PLAC9: variants seen among roughly 807,000 people sequenced by gnomAD.
PLAC9 encodes the protein placenta associated 9, also known as placenta-specific protein 9.
Under a neutral mutation model 11.5 loss-of-function variants are expected in PLAC9, and 12 were observed. The observed-to-expected ratio is 1.05, with a 90% CI of 0.67 to 1.69. The LOEUF (loss-of-function observed/expected upper bound fraction) is 1.69. PLAC9 is among the 40% of genes most tolerant of loss of function. The pLI is 0.00. For synonymous variants in PLAC9, 62 were observed against 58.1 expected, an observed-to-expected ratio of 1.07 and a Z score of -0.31; for missense variants, 132 against 130.5, an observed-to-expected ratio of 1.01 and a Z score of -0.06.
upstream of PLAC9, among the ~76,000 whole-genome samples, chr10:80,132,041 T>C (rs954692790): frequency 2.6e-5 from 4 of 152,274 alleles, no homozygotes; most frequent in African/African-American, 9.6e-5. Context: ...TTTCCACTAC[T>C]GTGCTCTAAA....
intron 1 of PLAC9, among the ~76,000 whole-genome samples, chr10:80,139,979 C>A (rs2132336213): frequency 6.6e-6 from 1 of 152,292 alleles, no homozygotes; most frequent in East Asian, 1.9e-4. Flanking sequence ...TACGTGATCT[C>A]CATCTTACTG....
chr10:80,132,984 G>A (rs1228158277), intron 1 of PLAC9, among the ~76,000 whole-genome samples, 158 bp downstream of exon 1: 2 of 152,184 alleles, frequency 1.3e-5, no homozygotes, highest in Non-Finnish European at 2.9e-5. Context: ...GAAAGATTGA[G>A]AGGAAACAGA....
intron 1 of PLAC9, 73 bp downstream of exon 1, chr10:80,132,899 G>C: frequency 8.0e-7 from 1 of 1,244,556 alleles, no homozygotes; most frequent in Non-Finnish European, 1.1e-6. Flanking sequence ...AGGAATGAGC[G>C]AGAGAGACGG....
At chr10:80,135,585 T>C (rs1844966685) in intron 1 of PLAC9, among the ~76,000 whole-genome samples, 1 of 147,748 alleles carries the variant, frequency 6.8e-6, no homozygotes, top group Non-Finnish European at 1.5e-5. Flanking sequence ...GTGATCAGCC[T>C]GCCCCGGCCT....
chr10:80,140,479 C>T (rs1403019241), intron 1 of PLAC9, among the ~76,000 whole-genome samples: 3 of 152,206 alleles, frequency 2.0e-5, no homozygotes, highest in East Asian at 1.9e-4. Context: ...GCCCTGCTGA[C>T]GCTTTTCATC....
At chr10:80,141,613 A>AACAC (rs1432819354) in intron 1 of PLAC9, among the ~76,000 whole-genome samples, 1 of 151,974 alleles carries the variant, frequency 6.6e-6, no homozygotes, top group East Asian at 1.9e-4. Flanking sequence ...CAAACAAACA[A>AACAC]ACACACAAAA....
At chr10:80,134,767 T>A (rs1844954544) in intron 1 of PLAC9, among the ~76,000 whole-genome samples, 1 of 152,190 alleles carries the variant, frequency 6.6e-6, no homozygotes, top group South Asian at 2.1e-4. Context: ...CCAAATAAGG[T>A]TACATACACT....
At chr10:80,144,720 G>A (rs540667968) in intron 3 of PLAC9, among the ~76,000 whole-genome samples, 180 bp from the exon 4 acceptor site, 80 of 152,272 alleles carry the variant, frequency 5.3e-4, no homozygotes, top group African/African-American at 1.9e-3. Context: ...CAGGGAAGAC[G>A]GGCGTCCCCA....
At chr10:80,134,808 T>C (rs1156322709) in intron 1 of PLAC9, among the ~76,000 whole-genome samples, 1 of 150,958 alleles carries the variant, frequency 6.6e-6, no homozygotes, top group Non-Finnish European at 1.5e-5. Flanking sequence ...TTAGATCTCT[T>C]TAAATATGTA....
intron 1 of PLAC9, among the ~76,000 whole-genome samples, chr10:80,136,865 A>T (rs1364280993): frequency 6.6e-6 from 1 of 152,082 alleles, no homozygotes; most frequent in Non-Finnish European, 1.5e-5. Context: ...CAGAAGAATT[A>T]AGGATGCGCT....
intron 1 of PLAC9, among the ~76,000 whole-genome samples, chr10:80,135,013 T>TA (rs201968653): frequency 2.8e-5 from 4 of 140,368 alleles, no homozygotes; most frequent in African/African-American, 1.0e-4. Context: ...TTTGTTTGTT[T>TA]GTTTATTTAT....
chr10:80,141,660 C>T (rs1845041243), intron 1 of PLAC9, among the ~76,000 whole-genome samples: 1 of 152,010 alleles, frequency 6.6e-6, no homozygotes, highest in Non-Finnish European at 1.5e-5. Flanking sequence ...ATTAAAGCCC[C>T]TGGGTTAAAG....
chr10:80,141,976 T>C, intron 1 of PLAC9, 106 bp from the exon 2 acceptor site: 1 of 778,494 alleles, frequency 1.3e-6, no homozygotes, highest in Non-Finnish European at 1.9e-6. Context: ...CGCTTGCTCC[T>C]GAGTTTGCTT....
At chr10:80,143,753 A>AT (rs1310149908) in intron 2 of PLAC9, among the ~76,000 whole-genome samples, 3 of 152,014 alleles carry the variant, frequency 2.0e-5, no homozygotes, top group Non-Finnish European at 4.4e-5. Flanking sequence ...TATATGTTTT[A>AT]TTTTTTGCAT....
At chr10:80,133,119 A>T (rs1365507417) in intron 1 of PLAC9, among the ~76,000 whole-genome samples, 7 of 152,226 alleles carry the variant, frequency 4.6e-5, no homozygotes, top group African/African-American at 1.7e-4. Context: ...ATGAACTAAG[A>T]TAGAAAGAAA....
In PLAC9 at chr10:80,132,756, C is replaced by T. The variant is rs1265975121; in HGVS notation, c.-7C>T. 4.8e-6 allele frequency: 7 copies of T among 1,472,224 alleles called. No homozygotes were observed. The South Asian group carries it at 6.6e-5, about 14-fold the overall frequency. 91.2% of individuals were successfully genotyped at this position (1,472,224 alleles called of 1,614,324 possible). A position where few individuals can be genotyped will look rare whatever the true frequency, so the allele number is the denominator to read the frequency against. ...GACGCGGCGCTGCGCTCGGCCAGGC[C>T]GGCACCATGCGGCCCCTGCTCTGCG... is the stretch of plus-strand genomic sequence containing the variant. On this transcript the variant is annotated 5_prime_UTR_variant, in exon 1 of 4. Transcript: ENST00000372263.
chr10:80,137,211 G>C (rs1244851917), intron 1 of PLAC9, among the ~76,000 whole-genome samples: 4 of 152,170 alleles, frequency 2.6e-5, no homozygotes, highest in Admixed American at 1.3e-4. Flanking sequence ...TGTTGGGAGC[G>C]ACCTCAGCCC....
chr10:80,132,512 G>A (rs1844923542), upstream of PLAC9: 4 of 428,238 alleles, frequency 9.3e-6, no homozygotes, highest in South Asian at 1.8e-4. Flanking sequence ...GGGGACTCGG[G>A]GGGCGGCCCC....
intron 3 of PLAC9, among the ~76,000 whole-genome samples, 191 bp downstream of exon 3, chr10:80,144,534 C>T (rs1358499445): frequency 6.6e-6 from 1 of 151,788 alleles, no homozygotes; most frequent in Non-Finnish European, 1.5e-5. Flanking sequence ...CTGCCACACC[C>T]GGTGGCTGCC....
Sources: allele counts gnomAD v4.1 joint callset (sites outside exome capture counted in the v4.1 genomes callset), GRCh38; gene constraint gnomAD v4.1.1; transcripts MANE v1.5; gene names NCBI Gene and HGNC (gene_info 2026-07-23, HGNC 2026-07-21).